The following AFF1 variants were observed in gnomAD, a reference collection of about 807,000 sequenced individuals.
AFF1 encodes AF4/FMR2 family member 1.
AFF1 carries 48 observed loss-of-function variants against 121.7 expected under a neutral mutation model. That is an observed-to-expected ratio of 0.39 (90% CI 0.31 to 0.50). AFF1 has a LOEUF of 0.50. Ranked by LOEUF, AFF1 falls within the 20% of genes least tolerant of loss-of-function variation. The pLI, the probability that AFF1 is intolerant of heterozygous loss-of-function variation, is 0.76. For missense variants in AFF1, 1,523 were observed against 1,511.7 expected (o/e 1.01, Z -0.12); for synonymous variants, 613 against 563.0 (o/e 1.09, Z -1.26).
At chr4:87,073,392 G>A (rs1203271517) in intron 4 of AFF1, among the ~76,000 whole-genome samples, 2 of 150,816 alleles carry the variant, frequency 1.3e-5, no homozygotes, top group Admixed American at 6.6e-5. Context: ...TCTCTTTTGC[G>A]TTTGTTATAG....
chr4:87,115,016 C>G lies in AFF1; in HGVS notation c.2183C>G (p.Thr728Ser). 2 of 1,612,798 alleles carry G rather than the reference C, an allele frequency of 1.2e-6. No homozygotes were observed. The highest frequency in any genetic ancestry group is 2.2e-5 in the East Asian group (1 of 44,860). The change falls in exon 12 of 21, where the codon ACT becomes AGT. Residue 728 changes from threonine to serine, a missense_variant. By Grantham distance (58) the Thr-to-Ser change is moderately conservative (BLOSUM62 1). This residue lies in a region of AFF1 where 905 missense variants were observed against 842.5 expected (regional missense o/e 1.07). Transcript: ENST00000395146. ...GPPHSGSGSRTSGCRQAVVVQ... is the reference protein window; with the variant it reads ...GPPHSGSGSRSSGCRQAVVVQ... ...CCCCACAGTGGCAGCGGCAGCAGGA[C>G]TAGTGGCTGCCGCCAAGCCGTGGTG...
intron 2 of AFF1, among the ~76,000 whole-genome samples, chr4:86,986,202 G>A (rs917033019): frequency 2.0e-5 from 3 of 151,958 alleles, no homozygotes; most frequent in Non-Finnish European, 2.9e-5. Flanking sequence ...CTCCCGAGTA[G>A]CTGGGAGTAC....
intron 2 of AFF1, among the ~76,000 whole-genome samples, chr4:87,022,592 A>ATCTC (rs1553918472): frequency 7.0e-5 from 7 of 99,824 alleles, no homozygotes; most frequent in East Asian, 3.4e-4. Flanking sequence ...ATCTATCTAT[A>ATCTC]TCTATCTGTG....
intron 1 of AFF1, 50 bp from the exon 2 acceptor site, chr4:86,948,448 A>G: frequency 3.1e-6 from 4 of 1,296,196 alleles, no homozygotes; most frequent in Admixed American, 2.1e-5. Flanking sequence ...CGTATCCCTG[A>G]ATTTACTCAC....
At chr4:87,076,287 G>T (rs1054322600) in intron 4 of AFF1, among the ~76,000 whole-genome samples, 3 of 152,108 alleles carry the variant, frequency 2.0e-5, no homozygotes, top group Non-Finnish European at 4.4e-5. Flanking sequence ...TCCTCTCCCT[G>T]AAAAATCTGT....
chr4:87,125,106 T>C lies in AFF1; in HGVS notation c.2536T>C (p.Ser846Pro). The C allele has an allele frequency of 6.2e-7, 1 of 1,610,820 alleles. No homozygotes were observed. The highest frequency in any genetic ancestry group is 2.2e-5 in the East Asian group (1 of 44,844). Residue 846 changes from serine to proline, a missense_variant, in exon 13 of 21, where the codon TCA becomes CCA. Transcript: ENST00000395146. ...GAAGGAAATCAAATCACAGTCATCT[T>C]CATCTTCATCCTCCCACAAAGAATC... ...LEKEIKSQSS[S>P]SSSSHKESSK... is the part of the protein sequence containing the mutation.
At chr4:86,945,485 C>G (rs915166753) in intron 1 of AFF1, among the ~76,000 whole-genome samples, 1 of 144,534 alleles carries the variant, frequency 6.9e-6, no homozygotes, top group African/African-American at 2.6e-5. Flanking sequence ...CCACCTTGCC[C>G]AGCCTTTCCC....
chr4:87,066,725 TA>T (rs1252662726), intron 4 of AFF1, among the ~76,000 whole-genome samples: 7 of 152,230 alleles, frequency 4.6e-5, no homozygotes, highest in African/African-American at 1.7e-4. Context: ...TCTTGTCTAA[TA>T]AATGGCTTGA....
chr4:87,121,086 C>T (rs1000778829), intron 12 of AFF1, among the ~76,000 whole-genome samples: 12 of 152,242 alleles, frequency 7.9e-5, no homozygotes, highest in Middle Eastern at 3.4e-3. Flanking sequence ...TCTGTGAGGA[C>T]CAATTCGTCA....
At chr4:87,000,140 TTGAA>T (rs1208757065) in intron 2 of AFF1, among the ~76,000 whole-genome samples, 1 of 152,082 alleles carries the variant, frequency 6.6e-6, no homozygotes, top group Non-Finnish European at 1.5e-5. Context: ...AAATAAATAA[TTGAA>T]TGAGTAAATA....
chr4:87,067,356 T>A (rs236681), intron 4 of AFF1, among the ~76,000 whole-genome samples: 4 of 152,030 alleles, frequency 2.6e-5, no homozygotes, highest in Non-Finnish European at 1.5e-5. Context: ...GGATAACTTC[T>A]ACAAACATCT....
chr4:87,000,474 C>G (rs1018544517), intron 2 of AFF1, among the ~76,000 whole-genome samples: 10 of 152,184 alleles, frequency 6.6e-5, no homozygotes, highest in Admixed American at 1.3e-4. Flanking sequence ...GTTGATTTCT[C>G]AGTTTTGGCA....
rs1432898509 is a variant in AFF1 at position 87,136,199 on chromosome 4, T to C, written c.*498T>C. The C allele has an allele frequency of 4.3e-6, 1 of 232,292 alleles. No homozygotes were observed. The highest frequency in any genetic ancestry group is 8.5e-6 in the Non-Finnish European group (1 of 117,578). 14.4% of individuals were successfully genotyped at this position (232,292 alleles called of 1,614,324 possible). A position where few individuals can be genotyped will look rare whatever the true frequency, so the allele number is the denominator to read the frequency against. Reference sequence around the variant, plus strand: ...TTGAGTTTTGGGAGAAATATTTGTTTAGTAACTTCTAATGGCCATCTGTAA... The same window carrying C: ...TTGAGTTTTGGGAGAAATATTTGTTCAGTAACTTCTAATGGCCATCTGTAA... On this transcript the variant is annotated 3_prime_UTR_variant, in exon 21 of 21. Coordinates refer to ENST00000395146, the MANE Select transcript of AFF1 (RefSeq NM_001166693.3).
chr4:87,075,382 G>A (rs750715346), intron 4 of AFF1, among the ~76,000 whole-genome samples: 4 of 151,828 alleles, frequency 2.6e-5, no homozygotes, highest in Non-Finnish European at 4.4e-5. Context: ...ATATACACAC[G>A]TATTCAATAT....
intron 2 of AFF1, among the ~76,000 whole-genome samples, chr4:86,988,786 T>A: frequency 6.6e-6 from 1 of 152,128 alleles, no homozygotes; most frequent in Middle Eastern, 3.2e-3. Flanking sequence ...GACTTCAAAC[T>A]ATACTACAAG....
At chr4:87,074,411 A>G (rs1722453396) in intron 4 of AFF1, among the ~76,000 whole-genome samples, 1 of 152,166 alleles carries the variant, frequency 6.6e-6, no homozygotes, top group African/African-American at 2.4e-5. Flanking sequence ...CATCAAAGGC[A>G]CAGTGTTTTA....
At chr4:87,036,567 C>T (rs1729583003) in intron 2 of AFF1, among the ~76,000 whole-genome samples, 1 of 152,158 alleles carries the variant, frequency 6.6e-6, no homozygotes, top group Non-Finnish European at 1.5e-5. Context: ...TGTCATGCTA[C>T]TTTTCTGTTG....
intron 6 of AFF1, among the ~76,000 whole-genome samples, chr4:87,091,377 TGG>T (rs1578231356): frequency 6.6e-6 from 1 of 152,162 alleles, no homozygotes; most frequent in African/African-American, 2.4e-5. Context: ...CACTCCAGCC[TGG>T]GGTAACAAAG....
chr4:87,082,637 C>T (rs1025369903), intron 4 of AFF1, among the ~76,000 whole-genome samples: 1 of 152,032 alleles, frequency 6.6e-6, no homozygotes, highest in African/African-American at 2.4e-5. Flanking sequence ...CCATGATGCC[C>T]AGGCTGCTCT....
Sources: gnomAD v4.1 joint callset for allele counts (sites outside exome capture counted in the v4.1 genomes callset) on GRCh38, gnomAD v4.1.1 for gene constraint, gnomAD v4.1.1 regional missense constraint, MANE v1.5 for transcripts, NCBI Gene and HGNC (gene_info 2026-07-23, HGNC 2026-07-21) for gene names.